TDRD9: variants seen among roughly 807,000 people sequenced by gnomAD.
TDRD9 encodes ATP-dependent RNA helicase TDRD9.
Under a neutral mutation model 172.6 loss-of-function variants are expected in TDRD9, and 124 were observed. The observed-to-expected ratio is 0.72, with a 90% confidence interval of 0.62 to 0.83. TDRD9 has a LOEUF of 0.83. TDRD9 is among the 40% of genes least tolerant of loss of function. TDRD9 has a pLI of 0.00. For missense variants in TDRD9, 1,479 were observed against 1,714.1 expected (o/e 0.86, Z 2.42); for synonymous variants, 619 against 617.1 (o/e 1.00, Z -0.05).
chr14:103,936,150 C>G (rs1023973452), intron 1 of TDRD9, among the ~76,000 whole-genome samples: 1 of 152,256 alleles, frequency 6.6e-6, no homozygotes, highest in South Asian at 2.1e-4. Flanking sequence ...GGCACAATAA[C>G]GTTTCACTGC....
chr14:104,021,267 A>G (rs1050328446), intron 23 of TDRD9, among the ~76,000 whole-genome samples: 1 of 151,738 alleles, frequency 6.6e-6, no homozygotes, highest in Non-Finnish European at 1.5e-5. Context: ...CAATCCGGTC[A>G]CCTCCCACCA....
chr14:104,028,241 G>C (rs2035182624), intron 28 of TDRD9, among the ~76,000 whole-genome samples: 1 of 152,058 alleles, frequency 6.6e-6, no homozygotes, highest in Non-Finnish European at 1.5e-5. Context: ...TGTTCGTACT[G>C]TTTTTAGTTT....
At chr14:103,960,167 A>T (rs2032441391) in intron 2 of TDRD9, among the ~76,000 whole-genome samples, 1 of 152,264 alleles carries the variant, frequency 6.6e-6, no homozygotes, top group African/African-American at 2.4e-5. Flanking sequence ...TGGTTACATC[A>T]GTAATCCAGT....
rs193212564 is a variant in TDRD9 at position 103,954,600 on chromosome 14, T to C, written c.216-1064T>C. ...AAAGTTGGATTGTAGGAGACGTGTG[T>C]TTTAAGTTTTGGTTAGTTTTTAGTT... On this transcript the variant is annotated intron_variant, in intron 1 of 35. Coordinates refer to ENST00000409874, the MANE Select transcript of TDRD9 (RefSeq NM_153046.3). Among the ~76,000 whole-genome samples, 7 of 152,314 alleles carry C rather than the reference T, an allele frequency of 4.6e-5. No homozygotes were observed. In the East Asian group the frequency reaches 1.3e-3, roughly 29 times the overall value.
intron 2 of TDRD9, among the ~76,000 whole-genome samples, chr14:103,956,149 T>TATATATATATATAA (rs1566738502): frequency 6.9e-5 from 7 of 102,054 alleles, no homozygotes; most frequent in Admixed American, 1.2e-4. Flanking sequence ...TATATATATA[T>TATATATATATATAA]AATTATTAGG....
intron 35 of TDRD9, 138 bp downstream of exon 35, chr14:104,049,818 G>T: frequency 1.5e-6 from 1 of 665,498 alleles, no homozygotes; most frequent in Non-Finnish European, 2.6e-6. Flanking sequence ...ATGGCTTTGG[G>T]GGCCAGCTGG....
At chr14:103,996,563 G>A (rs984773196) in intron 12 of TDRD9, among the ~76,000 whole-genome samples, 1 of 152,216 alleles carries the variant, frequency 6.6e-6, no homozygotes, top group Non-Finnish European at 1.5e-5. Flanking sequence ...TAAATGAGGA[G>A]CGAGCTATGC....
In TDRD9 at chr14:103,990,205, C is replaced by G. The variant is rs117061981; in HGVS notation, c.1116-955C>G. 8.4e-4 allele frequency among the ~76,000 whole-genome samples: 128 copies of G among 152,302 alleles called. 3 individuals carry two copies. In the East Asian group the frequency reaches 0.024, roughly 28 times the overall value. On this transcript the variant is annotated intron_variant, in intron 8 of 35. Coordinates refer to ENST00000409874, the MANE Select transcript of TDRD9 (RefSeq NM_153046.3). ...TTGTTGCCAGCATCCCATGCAGGCC[C>G]ATCTACAAACCAAGGCTGTGTTTTT...
At chr14:104,040,965 A>C (rs1689318241) in intron 33 of TDRD9, among the ~76,000 whole-genome samples, 1 of 152,218 alleles carries the variant, frequency 6.6e-6, no homozygotes, top group African/African-American at 2.4e-5. Flanking sequence ...ATTTATTTTT[A>C]TTGCATTTTA....
intron 20 of TDRD9, among the ~76,000 whole-genome samples, chr14:104,008,877 A>G (rs1007595804): frequency 1.3e-5 from 2 of 152,210 alleles, no homozygotes; most frequent in Non-Finnish European, 2.9e-5. Context: ...TCGCACCAAT[A>G]TATTCTAGCC....
At chr14:104,007,110 A>T in intron 18 of TDRD9, 50 bp from the exon 19 acceptor site, 1 of 1,545,102 alleles carries the variant, frequency 6.5e-7, no homozygotes, top group Non-Finnish European at 8.8e-7. Context: ...CTTAAAAAAA[A>T]TTCAGTGAGC....
At chr14:104,015,718 C>T (rs1402681911) in intron 21 of TDRD9, among the ~76,000 whole-genome samples, 1 of 152,194 alleles carries the variant, frequency 6.6e-6, no homozygotes, top group Non-Finnish European at 1.5e-5. Context: ...TCCCAAGCCT[C>T]ATTCTGAGAA....
intron 25 of TDRD9, 98 bp from the exon 26 acceptor site, chr14:104,025,466 C>T (rs1263314131): frequency 6.9e-6 from 6 of 865,978 alleles, no homozygotes; most frequent in African/African-American, 1.7e-5. Flanking sequence ...GGTGAGGTGT[C>T]GTACAGCACA....
At chr14:104,014,907 G>A (rs2034739522) in intron 21 of TDRD9, 66 bp downstream of exon 21, 2 of 932,692 alleles carry the variant, frequency 2.1e-6, no homozygotes, top group Admixed American at 4.0e-5. Context: ...TTGTGGTCGA[G>A]AAACTGCTTA....
At chr14:103,992,081 A>G (rs995475923) in intron 9 of TDRD9, among the ~76,000 whole-genome samples, 1 of 152,224 alleles carries the variant, frequency 6.6e-6, no homozygotes, top group Admixed American at 6.5e-5. Context: ...ACACACTGTT[A>G]TTATAACACC....
At chr14:103,941,102 A>G (rs1595895400) in intron 1 of TDRD9, 1 of 1,532,114 alleles carries the variant, frequency 6.5e-7, no homozygotes, top group East Asian at 2.4e-5. Flanking sequence ...ACTTCTCGAA[A>G]TCTAGAGGGG....
At chr14:103,938,434 A>G (rs1473398039) in intron 1 of TDRD9, among the ~76,000 whole-genome samples, 1 of 34,932 alleles carries the variant, frequency 2.9e-5, no homozygotes, top group Non-Finnish European at 5.2e-5. Flanking sequence ...ATATATATAT[A>G]TATATATTTT....
chr14:104,049,686 T>A lies in TDRD9; in HGVS notation c.4047+6T>A. On this transcript the variant is annotated splice_donor_region_variant and intron_variant, in intron 35 of 35. Transcript: ENST00000409874. ...AGCCCTACGAGTGGAATCAGGTGAG[T>A]GGGACGCAGGCTGCTACATGAGCAG... The A allele has an allele frequency of 6.4e-7, 1 of 1,573,798 alleles. No individual in the cohort carries two copies. Among genetic ancestry groups the A allele is most frequent in the South Asian group, 1.2e-5 (1 of 85,378 alleles).
chr14:103,936,245 A>G (rs1351913950), intron 1 of TDRD9, among the ~76,000 whole-genome samples: 3 of 152,124 alleles, frequency 2.0e-5, no homozygotes, highest in East Asian at 3.8e-4. Flanking sequence ...GCATGCTGCC[A>G]TGCCTGACAA....
Sources: gnomAD v4.1 joint callset for allele counts (sites outside exome capture counted in the v4.1 genomes callset) on GRCh38, gnomAD v4.1.1 for gene constraint, MANE v1.5 for transcripts, NCBI Gene and HGNC (gene_info 2026-07-23, HGNC 2026-07-21) for gene names.